Variants in QTMAN observed in about 807,000 individuals in gnomAD.
The protein encoded by QTMAN is queuosine-tRNA mannosyltransferase.
the QTMAN span, chr2:143,946,749 G>T: frequency 2.9e-6 from 1 of 340,878 alleles, no homozygotes; most frequent in Non-Finnish European, 5.3e-6. Context: ...ACATGAGTGC[G>T]GTTATACAAC....
the QTMAN span, among the ~76,000 whole-genome samples, chr2:144,232,945 C>A: frequency 6.6e-6 from 1 of 152,052 alleles, no homozygotes; most frequent in East Asian, 1.9e-4. Flanking sequence ...CTGTGTTTTA[C>A]CTTGCATTTT....
chr2:144,002,969 C>T, the QTMAN span, among the ~76,000 whole-genome samples: 2 of 151,908 alleles, frequency 1.3e-5, no homozygotes, highest in South Asian at 2.1e-4. Context: ...CAAATATCTT[C>T]TACTTAGACA....
chr2:144,230,056 A>T, the QTMAN span, among the ~76,000 whole-genome samples: 1 of 152,218 alleles, frequency 6.6e-6, no homozygotes, highest in Non-Finnish European at 1.5e-5. Flanking sequence ...CTTGTTTATA[A>T]TATCATCTCA....
the QTMAN span, chr2:143,946,513 A>C: frequency 6.5e-6 from 1 of 152,786 alleles, no homozygotes; most frequent in Non-Finnish European, 1.5e-5. Flanking sequence ...ATTAATCCCA[A>C]AGCATTCTGA....
chr2:144,178,936 T>C, the QTMAN span: 1 of 469,490 alleles, frequency 2.1e-6, no homozygotes, highest in African/African-American at 2.0e-5. Flanking sequence ...TCTCTCCTGT[T>C]TCCTAATTTG....
At chr2:144,005,498 A>C in the QTMAN span, among the ~76,000 whole-genome samples, 1 of 152,036 alleles carries the variant, frequency 6.6e-6, no homozygotes, top group African/African-American at 2.4e-5. Flanking sequence ...AATTAGCCCT[A>C]ATGTTAGCTA....
chr2:144,136,395 AAAAGG>A, the QTMAN span, among the ~76,000 whole-genome samples: 6,358 of 97,356 alleles, frequency 0.065, 199 homozygotes, highest in South Asian at 0.079. Context: ...AAGGAAAAGG[AAAAGG>A]AAAGGAAAGG....
chr2:144,247,587 T>C, the QTMAN span, among the ~76,000 whole-genome samples: 2 of 152,130 alleles, frequency 1.3e-5, no homozygotes, highest in African/African-American at 2.4e-5. Context: ...AAGATAGCAA[T>C]GTGTATATAT....
the QTMAN span, among the ~76,000 whole-genome samples, chr2:143,948,037 T>C: frequency 2.0e-5 from 3 of 152,114 alleles, no homozygotes; most frequent in African/African-American, 7.2e-5. Context: ...ATTTCATGTT[T>C]AAGGAAAAAG....
chr2:144,293,685 G>C, the QTMAN span, among the ~76,000 whole-genome samples: 314 of 152,250 alleles, frequency 2.1e-3, 1 homozygote, highest in African/African-American at 7.0e-3. Flanking sequence ...TTGAATCCCT[G>C]ACCTCTTAGC....
At chr2:144,048,318 A>G in the QTMAN span, among the ~76,000 whole-genome samples, 5 of 152,192 alleles carry the variant, frequency 3.3e-5, no homozygotes, top group Non-Finnish European at 5.9e-5. Flanking sequence ...GCTCGTGACA[A>G]TTACATGCCA....
the QTMAN span, among the ~76,000 whole-genome samples, chr2:144,217,388 T>A: frequency 6.6e-6 from 1 of 152,106 alleles, no homozygotes; most frequent in African/African-American, 2.4e-5. Flanking sequence ...TTTCTAGTCT[T>A]TGAGTTTTAG....
the QTMAN span, among the ~76,000 whole-genome samples, chr2:144,306,192 TTAGAG>T: frequency 6.6e-6 from 1 of 152,222 alleles, no homozygotes; most frequent in African/African-American, 2.4e-5. Flanking sequence ...CTTTTTATTC[TTAGAG>T]TATTTTATCA....
the QTMAN span, among the ~76,000 whole-genome samples, chr2:144,087,232 G>A: frequency 6.6e-6 from 1 of 152,014 alleles, no homozygotes; most frequent in Non-Finnish European, 1.5e-5. Flanking sequence ...AAATGAAGTA[G>A]ACAAATTTCT....
the QTMAN span, among the ~76,000 whole-genome samples, chr2:144,029,441 C>CACCT: frequency 1.3e-5 from 2 of 152,176 alleles, no homozygotes; most frequent in Non-Finnish European, 2.9e-5. Context: ...ACTTTCCAGA[C>CACCT]ACCTGAGTTG....
At chr2:143,974,699 C>A in the QTMAN span, among the ~76,000 whole-genome samples, 1 of 151,500 alleles carries the variant, frequency 6.6e-6, no homozygotes, top group South Asian at 2.1e-4. Context: ...ATGTTTCTTT[C>A]TTTCTTTTTG....
the QTMAN span, among the ~76,000 whole-genome samples, chr2:144,269,839 A>G: frequency 6.6e-6 from 1 of 151,806 alleles, no homozygotes; most frequent in Admixed American, 6.6e-5. Flanking sequence ...AAAAAAAAAA[A>G]CTCACCTATT....
chr2:144,172,665 T>G, the QTMAN span, among the ~76,000 whole-genome samples: 2 of 150,662 alleles, frequency 1.3e-5, no homozygotes, highest in South Asian at 4.2e-4. Context: ...GAAGCTTAAC[T>G]TAGGAAGCTC....
the QTMAN span, among the ~76,000 whole-genome samples, chr2:144,054,043 C>A: frequency 7.2e-5 from 11 of 152,124 alleles, no homozygotes; most frequent in African/African-American, 2.7e-4. Flanking sequence ...AAAAAATTAG[C>A]CGGGCGGGGT....
Sources: gnomAD v4.1 joint callset for allele counts (sites outside exome capture counted in the v4.1 genomes callset) on GRCh38, gnomAD v4.1.1 for gene constraint, MANE v1.5 for transcripts, NCBI Gene and HGNC (gene_info 2026-07-23, HGNC 2026-07-21) for gene names.